The following FHIT variants were observed in gnomAD, a reference collection of about 807,000 sequenced individuals.
FHIT encodes fragile histidine triad diadenosine triphosphatase, also known as bis(5'-adenosyl)-triphosphatase.
FHIT carries 19 observed loss-of-function variants against 17.9 expected under a neutral mutation model. The ratio of observed to expected loss-of-function variants is 1.06; its 90% CI spans 0.74 to 1.56. The LOEUF (loss-of-function observed/expected upper bound fraction) is 1.56, where lower values mean the gene tolerates loss of function less well. FHIT is among the 40% of genes most tolerant of loss of function. The pLI is 0.00. For missense variants in FHIT, 248 were observed against 189.2 expected (o/e 1.31, Z -1.82); for synonymous variants, 81 against 69.7 (o/e 1.16, Z -0.81).
chr3:59,863,359 G>A (rs1702491486), intron 8 of FHIT, among the ~76,000 whole-genome samples: 3 of 152,204 alleles, frequency 2.0e-5, no homozygotes, highest in Non-Finnish European at 4.4e-5. Context: ...TCTGCTGAAA[G>A]CATTCAAAAC....
chr3:60,275,204 C>T (rs1439869195), intron 5 of FHIT, among the ~76,000 whole-genome samples: 3 of 149,364 alleles, frequency 2.0e-5, no homozygotes, highest in African/African-American at 7.4e-5. Flanking sequence ...TGGCTCCCTG[C>T]TCTGGGAAAT....
At chr3:60,565,039 C>T (rs543906922) in intron 4 of FHIT, among the ~76,000 whole-genome samples, 1 of 152,238 alleles carries the variant, frequency 6.6e-6, no homozygotes, top group South Asian at 2.1e-4. Flanking sequence ...TTTCAGCAAC[C>T]ACCACCATGA....
chr3:60,946,798 C>A (rs1321827673), intron 3 of FHIT, among the ~76,000 whole-genome samples: 1 of 152,072 alleles, frequency 6.6e-6, no homozygotes, highest in Admixed American at 6.6e-5. Context: ...GATGGGGAAG[C>A]CTCCTTAAGA....
intron 2 of FHIT, among the ~76,000 whole-genome samples, chr3:61,198,519 G>GA (rs71629121): frequency 0.43 from 64,733 of 150,098 alleles, 14,200 homozygotes; most frequent in East Asian, 0.59. Context: ...ATACACGACA[G>GA]AAAAAAAAAA....
Position 60,730,992 on chromosome 3 carries a change from G to A in FHIT, c.-18+90927C>T, listed in dbSNP as rs575947385. On this transcript the variant is annotated intron_variant, in intron 4 of 9. Coordinates refer to ENST00000492590, the MANE Select transcript of FHIT (RefSeq NM_002012.4). Reference sequence around the variant, plus strand: ...AAAAAAAAAAAAAAATTAGCCCAGCGTGGTGGCACGCGCCCGTAATCCCAG... The same window carrying A: ...AAAAAAAAAAAAAAATTAGCCCAGCATGGTGGCACGCGCCCGTAATCCCAG... Among the ~76,000 whole-genome samples, 395 of 150,876 alleles carry A rather than the reference G, an allele frequency of 2.6e-3. 1 individual carries two copies. Among genetic ancestry groups the A allele is most frequent in the Non-Finnish European group, 3.5e-3 (237 of 67,768 alleles).
intron 8 of FHIT, among the ~76,000 whole-genome samples, chr3:59,920,552 G>A (rs868706432): frequency 2.0e-5 from 3 of 152,264 alleles, no homozygotes; most frequent in Middle Eastern, 6.8e-3. Flanking sequence ...TAACCATGCA[G>A]CTTCATTTTA....
intron 5 of FHIT, among the ~76,000 whole-genome samples, chr3:60,146,696 G>C (rs1230249149): frequency 2.0e-5 from 3 of 152,110 alleles, no homozygotes; most frequent in African/African-American, 7.2e-5. Flanking sequence ...TCCTAAGAAA[G>C]AAGCACTGTG....
chr3:60,444,884 C>CT (rs1456187029), intron 5 of FHIT, among the ~76,000 whole-genome samples: 1 of 151,890 alleles, frequency 6.6e-6, no homozygotes, highest in Non-Finnish European at 1.5e-5. Context: ...AAGAAAAACT[C>CT]TGACTCCATT....
chr3:60,642,918 T>C (rs2039762137), intron 4 of FHIT, among the ~76,000 whole-genome samples: 1 of 152,242 alleles, frequency 6.6e-6, no homozygotes, highest in Admixed American at 6.5e-5. Context: ...CCATGTTCAC[T>C]AATGAGGTCA....
At chr3:60,090,864 G>T (rs1703702158) in intron 5 of FHIT, among the ~76,000 whole-genome samples, 1 of 152,174 alleles carries the variant, frequency 6.6e-6, no homozygotes, top group Non-Finnish European at 1.5e-5. Flanking sequence ...CTGAGCTCTG[G>T]GGTCGGGGTA....
At chr3:60,336,718 T>G (rs551520260) in intron 5 of FHIT, among the ~76,000 whole-genome samples, 1 of 152,250 alleles carries the variant, frequency 6.6e-6, no homozygotes, top group East Asian at 1.9e-4. Flanking sequence ...GGAGAACATT[T>G]CCAGCACTGC....
At chr3:60,263,928 T>A (rs1456850070) in intron 5 of FHIT, among the ~76,000 whole-genome samples, 3 of 151,854 alleles carry the variant, frequency 2.0e-5, no homozygotes, top group Non-Finnish European at 2.9e-5. Flanking sequence ...TTTTTTTTTT[T>A]AAATGAAAAG....
intron 2 of FHIT, among the ~76,000 whole-genome samples, chr3:61,058,524 T>C (rs941225111): frequency 6.6e-6 from 1 of 152,144 alleles, no homozygotes; most frequent in African/African-American, 2.4e-5. Context: ...GCAGACTTCC[T>C]CCTTGCTGTT....
intron 5 of FHIT, among the ~76,000 whole-genome samples, chr3:60,112,608 T>C (rs1704725941): frequency 6.6e-6 from 1 of 152,182 alleles, no homozygotes; most frequent in Admixed American, 6.5e-5. Context: ...ACATCACATA[T>C]ACACATCTAA....
chr3:59,813,877 C>A (rs1700495386), intron 8 of FHIT, among the ~76,000 whole-genome samples: 1 of 152,040 alleles, frequency 6.6e-6, no homozygotes, highest in Admixed American at 6.5e-5. Flanking sequence ...AACTGAGGTA[C>A]AAGAGTTAAT....
intron 5 of FHIT, among the ~76,000 whole-genome samples, chr3:60,068,221 C>T (rs2736809): frequency 0.33 from 50,821 of 151,934 alleles, 9,812 homozygotes; most frequent in African/African-American, 0.53. Flanking sequence ...GGCAACAGAG[C>T]GAGACTCTGC....
At chr3:61,015,254 C>G (rs17064309) in intron 3 of FHIT, among the ~76,000 whole-genome samples, 8,441 of 152,180 alleles carry the variant, frequency 0.055, 448 homozygotes, top group African/African-American at 0.14. Context: ...TTAAGAAAAC[C>G]TTCTGCAGAT....
Position 59,752,394 on chromosome 3 carries a change from G to A in FHIT, c.349-73C>T, listed in dbSNP as rs1338016946. 29 of 1,183,122 alleles carry A rather than the reference G, an allele frequency of 2.5e-5. 1 individual carries two copies. The East Asian group carries it at 6.9e-4, about 28-fold the overall frequency. The allele number at this position is 1,183,122 out of a possible 1,614,324, so 73.3% of individuals were successfully genotyped here. ...CTCCTTGAACAAATTTCGGGGGGCT[G>A]GGGGAGACTGAACAAAATTTGCAAA... On this transcript the variant is annotated intron_variant, in intron 8 of 9. Coordinates refer to ENST00000492590, the MANE Select transcript of FHIT (RefSeq NM_002012.4).
At chr3:61,143,189 T>C (rs761436808) in intron 2 of FHIT, among the ~76,000 whole-genome samples, 1 of 152,150 alleles carries the variant, frequency 6.6e-6, no homozygotes, top group Admixed American at 6.5e-5. Flanking sequence ...AGAAATGTTT[T>C]ACAACAGAAA....
Sources: allele counts gnomAD v4.1 joint callset (sites outside exome capture counted in the v4.1 genomes callset), GRCh38; gene constraint gnomAD v4.1.1; transcripts MANE v1.5; gene names NCBI Gene and HGNC (gene_info 2026-07-23, HGNC 2026-07-21).